RAD21: variants seen among roughly 807,000 people sequenced by gnomAD.
RAD21 encodes double-strand-break repair protein rad21 homolog.
RAD21 carries 18 observed loss-of-function variants against 71.5 expected under a neutral mutation model. The ratio of observed to expected loss-of-function variants is 0.25; its 90% CI spans 0.17 to 0.37. The LOEUF (loss-of-function observed/expected upper bound fraction) is 0.37, where lower values mean the gene tolerates loss of function less well. RAD21 is among the 10% of genes least tolerant of loss of function. The pLI is 1.00. For missense variants in RAD21, 493 were observed against 769.1 expected (o/e 0.64, Z 4.25); for synonymous variants, 248 against 254.0 (o/e 0.98, Z 0.22).
chr8:116,854,606 G>C, intron 8 of RAD21, 138 bp from the exon 9 acceptor site: 1 of 690,774 alleles, frequency 1.4e-6, no homozygotes, highest in Non-Finnish European at 2.4e-6. Flanking sequence ...CATGAGGATA[G>C]AACGTTTTAA....
chr8:116,858,495 CTATGTA>C, intron 4 of RAD21, 37 bp from the exon 5 acceptor site: 1 of 1,522,916 alleles, frequency 6.6e-7, no homozygotes, highest in South Asian at 1.2e-5. Context: ...AGTTTCAAGT[CTATGTA>C]TAAGAAAAAC....
intron 6 of RAD21, 30 bp downstream of exon 6, chr8:116,857,237 T>A (rs780693006): frequency 7.0e-6 from 11 of 1,567,980 alleles, no homozygotes; most frequent in Admixed American, 5.1e-5. Flanking sequence ...AAATTCTGTT[T>A]ATGCTGGAAT....
chr8:116,874,657 G>A lies in RAD21; in HGVS notation c.-79C>T. Reference sequence around the variant, plus strand: ...GGCGGGCTGGGTGGCCCGGGGAGGGGAAAAGGGTCGGGGGAGGGGGTGGGG... The same window carrying A: ...GGCGGGCTGGGTGGCCCGGGGAGGGAAAAAGGGTCGGGGGAGGGGGTGGGG... On this transcript the variant is annotated 5_prime_UTR_variant, in exon 1 of 14. Coordinates refer to ENST00000297338, the MANE Select transcript of RAD21 (RefSeq NM_006265.3). 1 of 341,782 alleles carries A rather than the reference G, an allele frequency of 2.9e-6. No homozygotes were observed. Among genetic ancestry groups the A allele is most frequent in the Non-Finnish European group, 5.6e-6 (1 of 179,822 alleles). 21.2% of individuals were successfully genotyped at this position (341,782 alleles called of 1,614,324 possible). A position where few individuals can be genotyped will look rare whatever the true frequency, so the allele number is the denominator to read the frequency against.
intron 13 of RAD21, among the ~76,000 whole-genome samples, chr8:116,848,536 C>T (rs10098598): frequency 0.016 from 2,376 of 152,106 alleles, 25 homozygotes; most frequent in Non-Finnish European, 0.026. Context: ...CATTAAAGCA[C>T]AAGGAAAAGT....
chr8:116,862,958 T>C (rs1812620970), intron 3 of RAD21, among the ~76,000 whole-genome samples, 172 bp downstream of exon 3: 1 of 152,098 alleles, frequency 6.6e-6, no homozygotes, highest in Non-Finnish European at 1.5e-5. Flanking sequence ...GTAGGTTTCC[T>C]CCCTTGAAGC....
At chr8:116,850,136 T>C (rs1357998667) in intron 12 of RAD21, among the ~76,000 whole-genome samples, 1 of 152,154 alleles carries the variant, frequency 6.6e-6, no homozygotes, top group Non-Finnish European at 1.5e-5. Flanking sequence ...GAAAAAGTCA[T>C]TTAAGCCTTC....
At chr8:116,862,376 C>CA (rs899236497) in intron 3 of RAD21, among the ~76,000 whole-genome samples, 40 of 151,172 alleles carry the variant, frequency 2.6e-4, no homozygotes, top group South Asian at 1.0e-3. Context: ...CTTTGAAAGA[C>CA]AAAAAAAAGC....
At position 116,872,600 on chromosome 8, in the gene RAD21, A is replaced by G. The variant is rs547055336; in HGVS notation, c.-33+2011T>C. ...CTCGGGACATAAATGTACACCACCT[A>G]TTCAAAGTAAAAACTACTATCTCAG... On this transcript the variant is annotated intron_variant, in intron 1 of 13. Transcript: ENST00000297338. Among the ~76,000 whole-genome samples, 3 of 152,210 alleles carry G rather than the reference A, an allele frequency of 2.0e-5. No homozygotes were observed. In the South Asian group the frequency reaches 6.2e-4, roughly 32 times the overall value.
chr8:116,847,751 G>C (rs140855287), intron 13 of RAD21, 60 bp from the exon 14 acceptor site: 1 of 1,421,514 alleles, frequency 7.0e-7, no homozygotes, highest in Admixed American at 2.1e-5. Flanking sequence ...ATTCAGTGAG[G>C]ATGCTGATAC....
At chr8:116,852,419 T>C (rs1812369997) in intron 10 of RAD21, 130 bp downstream of exon 10, 13 of 1,016,854 alleles carry the variant, frequency 1.3e-5, no homozygotes, top group Non-Finnish European at 1.8e-5. Flanking sequence ...TCAGATCCAA[T>C]GCATTTCCCT....
At chr8:116,873,943 AGCAACTTCCCTCCG>A (rs1812902259) in intron 1 of RAD21, among the ~76,000 whole-genome samples, 1 of 152,254 alleles carries the variant, frequency 6.6e-6, no homozygotes, top group Non-Finnish European at 1.5e-5. Context: ...TGGAAAAAGA[AGCAACTTCCCTCCG>A]TCTCTTTTTC....
intron 1 of RAD21, among the ~76,000 whole-genome samples, chr8:116,869,830 C>T (rs1156944939): frequency 6.6e-6 from 1 of 152,144 alleles, no homozygotes; most frequent in Non-Finnish European, 1.5e-5. Context: ...CTTGAATTAG[C>T]TTTTCTCTAA....
chr8:116,846,429 C>A lies in RAD21; in HGVS notation c.*1071G>T, dbSNP rs1472908632. The A allele has an allele frequency of 4.4e-6, 1 of 226,668 alleles. No individual in the cohort carries two copies. The highest frequency in any genetic ancestry group is 8.8e-6 in the Non-Finnish European group (1 of 113,894). The allele number at this position is 226,668 out of a possible 1,614,324, so 14.0% of individuals were successfully genotyped here. ...CTATCTGGTCTGTTAATAATAAAGT[C>A]TTTATTTGGATGTATTTTTCTTCAA... On this transcript the variant is annotated 3_prime_UTR_variant, in exon 14 of 14. Coordinates refer to ENST00000297338, the MANE Select transcript of RAD21 (RefSeq NM_006265.3).
chr8:116,870,144 C>T lies in RAD21; in HGVS notation c.-32-3383G>A, dbSNP rs183637094. On this transcript the variant is annotated intron_variant, in intron 1 of 13. Coordinates refer to ENST00000297338, the MANE Select transcript of RAD21 (RefSeq NM_006265.3). Reference sequence around the variant, plus strand: ...GTTCCCAAAGGATTATTAATTCATACTAAAAAAACTTTTCCTCAAAAGAAA... The same window carrying T: ...GTTCCCAAAGGATTATTAATTCATATTAAAAAAACTTTTCCTCAAAAGAAA... 1.3e-3 allele frequency among the ~76,000 whole-genome samples: 202 copies of T among 152,166 alleles called. 1 individual carries two copies. The highest frequency in any genetic ancestry group is 4.7e-3 in the African/African-American group (194 of 41,502).
chr8:116,866,366 C>T (rs1230829032), intron 2 of RAD21, among the ~76,000 whole-genome samples: 1 of 151,130 alleles, frequency 6.6e-6, no homozygotes, highest in East Asian at 1.9e-4. Context: ...TAAAAATAGG[C>T]AAATCAAAAT....
rs544921586 is a variant in RAD21, at chr8:116,863,937, TC to T, written c.145-679del. The stretch of plus-strand genomic sequence containing the variant: ...ATTTTAGTTAATTAAGCCTGTTATT[TC>T]CCTTATTGTTTAAGCTACTTTTTAA... On this transcript the variant is annotated intron_variant, in intron 2 of 13. Coordinates refer to ENST00000297338, the MANE Select transcript of RAD21 (RefSeq NM_006265.3). 2.8e-3 allele frequency among the ~76,000 whole-genome samples: 420 copies of T among 152,202 alleles called. 2 individuals are homozygous for T. Among genetic ancestry groups the T allele is most frequent in the African/African-American group, 1.0e-2 (414 of 41,530 alleles).
At chr8:116,868,895 A>G (rs1443978879) in intron 1 of RAD21, among the ~76,000 whole-genome samples, 1 of 150,784 alleles carries the variant, frequency 6.6e-6, no homozygotes, top group Non-Finnish European at 1.5e-5. Context: ...GTGATTAAAT[A>G]CGATCTGAAG....
At chr8:116,851,423 C>T (rs1812345802) in intron 11 of RAD21, 2 of 152,216 alleles carry the variant, frequency 1.3e-5, no homozygotes, top group South Asian at 4.1e-4. Flanking sequence ...ATCTAAAAGC[C>T]TCCCTTTGCA....
rs188212712 is a variant in RAD21 at position 116,847,177 on chromosome 8, T to C, written c.*323A>G. ...TCAATGCAGTAATGAAGAACTAAGA[T>C]AAAAATCATGACTTTTGACTGCCAC... On this transcript the variant is annotated 3_prime_UTR_variant, in exon 14 of 14. Coordinates refer to ENST00000297338, the MANE Select transcript of RAD21 (RefSeq NM_006265.3). 2.0e-4 allele frequency: 55 copies of C among 270,392 alleles called. No individual in the cohort carries two copies. Among genetic ancestry groups the C allele is most frequent in the East Asian group, 1.5e-3 (28 of 18,368 alleles). The allele number at this position is 270,392 out of a possible 1,614,324, so 16.7% of individuals were successfully genotyped here. A position where few individuals can be genotyped will look rare whatever the true frequency, so the allele number is the denominator to read the frequency against.
Sources: allele counts gnomAD v4.1 joint callset (sites outside exome capture counted in the v4.1 genomes callset), GRCh38; gene constraint gnomAD v4.1.1; transcripts MANE v1.5; gene names NCBI Gene and HGNC (gene_info 2026-07-23, HGNC 2026-07-21).